The following ZNF362 variants were observed in gnomAD, a reference collection of about 807,000 sequenced individuals.
ZNF362 encodes zinc finger protein 362, also known as rotund homolog.
ZNF362 carries 11 observed loss-of-function variants against 42.9 expected under a neutral mutation model. The observed-to-expected ratio is 0.26, with a 90% CI of 0.16 to 0.42. ZNF362 has a LOEUF of 0.42. Among genes scored for constraint, ZNF362 ranks in the 20% least tolerant of loss-of-function variants. ZNF362 has a pLI of 1.00. For missense variants in ZNF362, 362 were observed against 576.2 expected, an observed-to-expected ratio of 0.63 and a Z score of 3.81; for synonymous variants, 255 against 257.3, an observed-to-expected ratio of 0.99 and a Z score of 0.09.
chr1:33,284,941 A>G (rs1301829819), intron 6 of ZNF362, among the ~76,000 whole-genome samples: 1 of 152,202 alleles, frequency 6.6e-6, no homozygotes, highest in Non-Finnish European at 1.5e-5. Flanking sequence ...GGCAGCCTGT[A>G]TGCATTTGTC....
At chr1:33,219,013 T>A in the ZNF362 span, among the ~76,000 whole-genome samples, 1 of 147,542 alleles carries the variant, frequency 6.8e-6, no homozygotes, top group Non-Finnish European at 1.5e-5. Context: ...GCAAGAGACT[T>A]CCTTCCTTTC....
At chr1:33,260,651 G>A (rs900226015) in intron 1 of ZNF362, among the ~76,000 whole-genome samples, 25 of 152,220 alleles carry the variant, frequency 1.6e-4, no homozygotes, top group African/African-American at 3.1e-4. Flanking sequence ...CCATGCGTGT[G>A]AGTGAGCAGG....
chr1:33,267,990 A>G (rs948042005), intron 1 of ZNF362, among the ~76,000 whole-genome samples: 7 of 152,204 alleles, frequency 4.6e-5, no homozygotes, highest in South Asian at 4.1e-4. Context: ...GAGCGTGCCA[A>G]TTTCACCATA....
the ZNF362 span, among the ~76,000 whole-genome samples, chr1:33,148,034 T>G: frequency 6.6e-6 from 1 of 152,110 alleles, no homozygotes. Context: ...TTAACCAGAA[T>G]GAGGCCTAGA....
chr1:33,246,459 T>C, the ZNF362 span, among the ~76,000 whole-genome samples: 1 of 152,192 alleles, frequency 6.6e-6, no homozygotes, highest in South Asian at 2.1e-4. Flanking sequence ...CACCAATCGA[T>C]GTTCACTCAG....
At chr1:33,261,542 C>T (rs1381587279) in intron 1 of ZNF362, 2 of 152,110 alleles carry the variant, frequency 1.3e-5, no homozygotes, top group Admixed American at 6.5e-5. Flanking sequence ...GCACAAAGAC[C>T]GCATGAACCC....
the ZNF362 span, chr1:33,195,827 A>T: frequency 6.6e-6 from 1 of 152,132 alleles, no homozygotes. Flanking sequence ...AACACTGTAC[A>T]CTATGGCTAC....
the ZNF362 span, among the ~76,000 whole-genome samples, chr1:33,234,904 C>A: frequency 6.6e-6 from 1 of 152,218 alleles, no homozygotes; most frequent in African/African-American, 2.4e-5. Flanking sequence ...GCCCTCTGAG[C>A]AGCTCCTGGC....
chr1:33,145,109 G>A, the ZNF362 span, among the ~76,000 whole-genome samples: 3 of 152,208 alleles, frequency 2.0e-5, no homozygotes, highest in African/African-American at 7.2e-5. Context: ...TGAGCTGCCT[G>A]CTGCCTGCTC....
Position 33,256,606 on chromosome 1 carries a change from C to A in ZNF362, c.-137C>A, listed in dbSNP as rs1645792907. On this transcript the variant is annotated 5_prime_UTR_variant, in exon 1 of 9. Coordinates refer to ENST00000539719, the MANE Select transcript of ZNF362 (RefSeq NM_152493.3). ...CCCAGCCCGGCCCTGCTCGGGCCGC[C>A]GGGCGCGGGGCTGCGGCCGCGTCCC... is the stretch of plus-strand genomic sequence containing the variant. The A allele has an allele frequency of 6.8e-6, 1 of 146,436 alleles. No homozygotes were observed. 9.1% of individuals were successfully genotyped at this position (146,436 alleles called of 1,614,324 possible).
At chr1:33,226,334 C>A in the ZNF362 span, among the ~76,000 whole-genome samples, 8 of 152,272 alleles carry the variant, frequency 5.3e-5, no homozygotes, top group South Asian at 1.7e-3. Context: ...GTCCACCAGC[C>A]TTGGAGCTCC....
rs767420455 is a variant in ZNF362, at chr1:33,295,212, G to A, written c.1053G>A (p.Ser351=). The A allele has an allele frequency of 1.1e-5, 17 of 1,614,074 alleles. No homozygotes were observed. Among genetic ancestry groups the A allele is most frequent in the East Asian group, 6.7e-5 (3 of 44,882 alleles). The change falls in exon 8 of 9, where the codon TCG becomes TCA. Residue 351 remains serine (S), a synonymous_variant. Transcript: ENST00000539719. ...YKCPNCYRAY[S]DSASLQIHLS... ...GTCCCAACTGCTACCGGGCCTATTC[G>A]GACTCCGCTTCTTTGCAGATCCACC... is the stretch of plus-strand genomic sequence containing the variant.
chr1:33,189,709 G>GTGTGTATATATATATATATATATA, the ZNF362 span, among the ~76,000 whole-genome samples: 32 of 12,430 alleles, frequency 2.6e-3, no homozygotes, highest in South Asian at 0.02. Context: ...ACATATATAC[G>GTGTGTATATATATATATATATATA]TATATATATA....
chr1:33,289,749 C>T (rs1646062010), intron 6 of ZNF362, among the ~76,000 whole-genome samples: 3 of 152,168 alleles, frequency 2.0e-5, no homozygotes, highest in Admixed American at 1.3e-4. Context: ...GAGCCCATGC[C>T]AGGCGCTGGG....
chr1:33,240,909 A>G, the ZNF362 span, among the ~76,000 whole-genome samples: 1 of 152,218 alleles, frequency 6.6e-6, no homozygotes, highest in African/African-American at 2.4e-5. Context: ...CTGGTGGCAG[A>G]CGCTGCAGAA....
chr1:33,231,157 C>T, the ZNF362 span, among the ~76,000 whole-genome samples: 1 of 152,144 alleles, frequency 6.6e-6, no homozygotes, highest in Non-Finnish European at 1.5e-5. Flanking sequence ...TTGTTATTGG[C>T]TCCATTTTAC....
the ZNF362 span, among the ~76,000 whole-genome samples, chr1:33,235,288 G>A: frequency 5.3e-5 from 8 of 152,070 alleles, no homozygotes; most frequent in African/African-American, 1.7e-4. Flanking sequence ...TGCTGTCCCT[G>A]TCCCACCCCG....
chr1:33,267,772 CG>C (rs1238027300), intron 1 of ZNF362, among the ~76,000 whole-genome samples: 1 of 152,148 alleles, frequency 6.6e-6, no homozygotes, highest in Non-Finnish European at 1.5e-5. Context: ...TTTAAAATTT[CG>C]GCTGTTCCAG....
chr1:33,214,799 T>C, the ZNF362 span, among the ~76,000 whole-genome samples: 1 of 152,084 alleles, frequency 6.6e-6, no homozygotes, highest in Non-Finnish European at 1.5e-5. Context: ...CAATGAGATA[T>C]CATCTCACCC....
Sources: gnomAD v4.1 joint callset for allele counts (sites outside exome capture counted in the v4.1 genomes callset) on GRCh38, gnomAD v4.1.1 for gene constraint, MANE v1.5 for transcripts, NCBI Gene and HGNC (gene_info 2026-07-23, HGNC 2026-07-21) for gene names.